EWSR1: variants seen among roughly 807,000 people sequenced by gnomAD.
EWSR1 encodes the protein EWS RNA binding protein 1.
In EWSR1, 14 loss-of-function variants were observed where a neutral mutation model predicts 92.1. That is an observed-to-expected ratio of 0.15 (90% CI 0.10 to 0.24). The LOEUF (loss-of-function observed/expected upper bound fraction) is 0.24. Among genes scored for constraint, EWSR1 ranks in the 10% least tolerant of loss-of-function variants. The probability of loss-of-function intolerance (pLI) is 1.00; values close to 1 mark genes in which losing one functional copy is unlikely to be tolerated. For synonymous variants in EWSR1, 303 were observed against 292.9 expected, an observed-to-expected ratio of 1.03 and a Z score of -0.35; for missense variants, 637 against 870.9, an observed-to-expected ratio of 0.73 and a Z score of 3.38.
In EWSR1 at chr22:29,297,926, G is replaced by T; in HGVS notation, c.1394G>T (p.Gly465Val). The part of the protein sequence containing the change: ...RGGLPPREGR[G>V]MPPPLRGGPG... ...GGTCTGCCACCCCGTGAGGGCAGAG[G>T]CATGCCACCACCACTCCGTGGAGGT... The change falls in exon 13 of 17, where the codon GGC (glycine) becomes GTC (valine). Residue 465 changes from glycine (G) to valine (V), a missense_variant. Coordinates refer to ENST00000397938, the MANE Select transcript of EWSR1 (RefSeq NM_005243.4). 6.2e-7 allele frequency: 1 copy of T among 1,613,914 alleles called. No homozygotes were observed. Among genetic ancestry groups the T allele is most frequent in the Non-Finnish European group, 8.5e-7 (1 of 1,179,942 alleles).
Position 29,280,862 on chromosome 22 carries a change from G to GTTTTTTT in EWSR1, c.414-1497_414-1491dup, listed in dbSNP as rs71196650. 3.0e-4 allele frequency among the ~76,000 whole-genome samples: 19 copies of GTTTTTTT among 62,902 alleles called. 4 individuals carry two copies. Among genetic ancestry groups the GTTTTTTT allele is most frequent in the Non-Finnish European group, 5.0e-4 (16 of 32,242 alleles). 41.3% of individuals were successfully genotyped at this position (62,902 alleles called of 152,430 possible). ...CTAATTTTGTGTGTGTGTGTGTGTT[G>GTTTTTTT]TTTTTTTTTTTTTTTTTTTTTTTTT... is the stretch of plus-strand genomic sequence containing the variant. On this transcript the variant is annotated intron_variant, in intron 5 of 16. Transcript: ENST00000397938.
intron 4 of EWSR1, 81 bp from the exon 5 acceptor site, chr22:29,277,949 T>C: frequency 7.8e-7 from 1 of 1,286,654 alleles, no homozygotes; most frequent in Non-Finnish European, 1.1e-6. Context: ...AAGTAAGTGG[T>C]TTACAAATTG....
At chr22:29,272,347 C>T (rs1331801904) in intron 2 of EWSR1, 33 bp from the exon 3 acceptor site, 12 of 1,611,824 alleles carry the variant, frequency 7.4e-6, no homozygotes, top group Non-Finnish European at 1.0e-5. Context: ...TGAATGTTCT[C>T]TATTCAAGTT....
intron 8 of EWSR1, chr22:29,289,930 C>T (rs1573652): frequency 2.4e-5 from 5 of 211,274 alleles, no homozygotes; most frequent in Non-Finnish European, 4.6e-5. Context: ...GGAAAATACT[C>T]TATTATAAAG....
rs765215988 is a variant in EWSR1, at chr22:29,298,711, TTTCTTGTTG to T, written c.1418-11_1418-3del. 1.1e-4 allele frequency: 182 copies of T among 1,611,978 alleles called. No individual in the cohort carries two copies. Among genetic ancestry groups the T allele is most frequent in the East Asian group, 8.5e-4 (38 of 44,834 alleles). Reference sequence around the variant, plus strand: ...GGTGCTACAGAGAAATGATTTGCTGTTTCTTGTTGTTCTTGTTGTAGGTCCAGGAGGCCC... The same window carrying T: ...GGTGCTACAGAGAAATGATTTGCTGTTTCTTGTTGTAGGTCCAGGAGGCCC... On this transcript the variant is annotated splice_polypyrimidine_tract_variant and intron_variant, in intron 13 of 16. Transcript: ENST00000397938.
At chr22:29,292,083 T>C (rs2060481616) in intron 9 of EWSR1, 54 bp from the exon 10 acceptor site, 2 of 1,520,808 alleles carry the variant, frequency 1.3e-6, no homozygotes, top group African/African-American at 2.7e-5. Context: ...GTAAGGTTTG[T>C]AGCTTGCAAG....
Position 29,300,183 on chromosome 22 carries a change from G to T in EWSR1, c.*22G>T, listed in dbSNP as rs1302721258. On this transcript the variant is annotated 3_prime_UTR_variant, in exon 17 of 17. Coordinates refer to ENST00000397938, the MANE Select transcript of EWSR1 (RefSeq NM_005243.4). ...CTAGATGCAGAGACCCCGCAGAGCT[G>T]CATTGACTACCAGATTTATTTTTTA... 3.1e-6 allele frequency: 5 copies of T among 1,602,836 alleles called. No individual in the cohort carries two copies. Among genetic ancestry groups the T allele is most frequent in the Non-Finnish European group, 3.4e-6 (4 of 1,175,542 alleles).
At chr22:29,299,443 G>A (rs569045922) in intron 15 of EWSR1, 112 bp downstream of exon 15, 219 of 1,495,774 alleles carry the variant, frequency 1.5e-4, no homozygotes, top group East Asian at 4.6e-4. Context: ...TTGAGTTGTC[G>A]TGTCCTCATT....
chr22:29,281,990 A>G (rs1369899509), intron 5 of EWSR1, among the ~76,000 whole-genome samples: 3 of 152,230 alleles, frequency 2.0e-5, no homozygotes, highest in African/African-American at 7.2e-5. Flanking sequence ...AAAACTTAAC[A>G]TTATTGTTAG....
chr22:29,298,622 G>GGGGAAATGACAGCAGTAGTATCTGT (rs2061072360), intron 13 of EWSR1, 111 bp from the exon 14 acceptor site: 1 of 1,336,816 alleles, frequency 7.5e-7, no homozygotes, highest in East Asian at 2.3e-5. Context: ...GACAGGTGAT[G>GGGGAAATGACAGCAGTAGTATCTGT]GGGAAATGAC....
intron 6 of EWSR1, 111 bp downstream of exon 6, chr22:29,282,668 A>C (rs2059698608): frequency 5.8e-6 from 5 of 865,426 alleles, no homozygotes; most frequent in Admixed American, 7.7e-5. Flanking sequence ...TGACTGTCGC[A>C]GTGATAAGTC....
At chr22:29,280,783 C>T (rs555806520) in intron 5 of EWSR1, among the ~76,000 whole-genome samples, 1 of 148,268 alleles carries the variant, frequency 6.7e-6, no homozygotes, top group Non-Finnish European at 1.5e-5. Flanking sequence ...AAGTGATTCT[C>T]CTGCCTCAGC....
chr22:29,274,228 A>G, intron 4 of EWSR1: 4 of 1,611,488 alleles, frequency 2.5e-6, no homozygotes, highest in Non-Finnish European at 3.4e-6. Context: ...TTCATCTGAT[A>G]GTGTACCCTC....
At chr22:29,291,518 G>C (rs766141424) in intron 8 of EWSR1, 44 bp from the exon 9 acceptor site, 1 of 1,605,190 alleles carries the variant, frequency 6.2e-7, no homozygotes, top group Non-Finnish European at 8.5e-7. Flanking sequence ...AGCGGTACTG[G>C]CTTTTAAAGG....
At position 29,285,454 on chromosome 22, in the gene EWSR1, C is replaced by T. The variant is rs1271819459; in HGVS notation, c.582-1469C>T. 1.3e-5 allele frequency among the ~76,000 whole-genome samples: 2 copies of T among 151,176 alleles called. 1 individual carries two copies. Among genetic ancestry groups the T allele is most frequent in the African/African-American group, 4.9e-5 (2 of 40,488 alleles). ...GTTCTTTTCAAGCTTCATTTCTGTG[C>T]AAGAATGTATCTATTAATTTCTCCC... On this transcript the variant is annotated intron_variant, in intron 6 of 16. Coordinates refer to ENST00000397938, the MANE Select transcript of EWSR1 (RefSeq NM_005243.4).
At chr22:29,277,850 A>G (rs999442767) in intron 4 of EWSR1, 180 bp from the exon 5 acceptor site, 110 of 578,036 alleles carry the variant, frequency 1.9e-4, no homozygotes, top group African/African-American at 1.6e-3. Context: ...AACTAGGTAC[A>G]TTCAGAGAAC....
At chr22:29,289,240 G>C in intron 8 of EWSR1, 1 of 234,000 alleles carries the variant, frequency 4.3e-6, no homozygotes, top group Non-Finnish European at 8.4e-6. Context: ...TTTGTACTCA[G>C]AATCGTTGAA....
intron 13 of EWSR1, among the ~76,000 whole-genome samples, chr22:29,298,398 C>T (rs1004037240): frequency 2.0e-5 from 3 of 151,332 alleles, no homozygotes; most frequent in African/African-American, 7.3e-5. Flanking sequence ...CCCAGCTACT[C>T]GGGAGGCTGA....
At chr22:29,270,692 A>G (rs531923060) in intron 1 of EWSR1, among the ~76,000 whole-genome samples, 23 of 152,324 alleles carry the variant, frequency 1.5e-4, no homozygotes, top group African/African-American at 5.1e-4. Context: ...CTTACATGAC[A>G]GTGATTTACA....
Sources: gnomAD v4.1 joint callset for allele counts (sites outside exome capture counted in the v4.1 genomes callset) on GRCh38, gnomAD v4.1.1 for gene constraint, MANE v1.5 for transcripts, NCBI Gene and HGNC (gene_info 2026-07-23, HGNC 2026-07-21) for gene names.